Variants in C10orf67 observed in about 807,000 individuals in gnomAD.
C10orf67 encodes the protein chromosome 10 open reading frame 67.
In C10orf67, 60 loss-of-function variants were observed where a neutral mutation model predicts 35.6. The observed-to-expected ratio is 1.68, with a 90% CI of 1.37 to 2.09. The LOEUF (loss-of-function observed/expected upper bound fraction) is 2.09. Among genes scored for constraint, C10orf67 ranks in the 30% most tolerant of loss-of-function variants. C10orf67 has a pLI of 0.00. For synonymous variants in C10orf67, 167 were observed against 115.8 expected, an observed-to-expected ratio of 1.44 and a Z score of -2.84; for missense variants, 474 against 330.2, an observed-to-expected ratio of 1.44 and a Z score of -3.38.
chr10:23,343,151 A>G (rs767632711), intron 1 of C10orf67, among the ~76,000 whole-genome samples: 6 of 152,248 alleles, frequency 3.9e-5, no homozygotes, highest in Non-Finnish European at 8.8e-5. Flanking sequence ...AAACACTTCT[A>G]TGATTCTGCT....
intron 13 of C10orf67, among the ~76,000 whole-genome samples, chr10:23,230,278 G>A (rs1401152998): frequency 6.6e-6 from 1 of 152,048 alleles, no homozygotes; most frequent in Non-Finnish European, 1.5e-5. Flanking sequence ...AATGAAACCA[G>A]ATGTCTATCT....
chr10:23,330,701 C>CT, intron 2 of C10orf67, among the ~76,000 whole-genome samples: 1 of 150,192 alleles, frequency 6.7e-6, no homozygotes, highest in African/African-American at 2.5e-5. Flanking sequence ...GATCGTGCCA[C>CT]TGCACTCCAG....
At chr10:23,209,704 C>CA (rs1389969790) in intron 15 of C10orf67, among the ~76,000 whole-genome samples, 2 of 151,716 alleles carry the variant, frequency 1.3e-5, no homozygotes, top group African/African-American at 4.8e-5. Context: ...GAGCTATTCA[C>CA]AAAAAAATTA....
intron 5 of C10orf67, among the ~76,000 whole-genome samples, chr10:23,297,868 A>C (rs1222562182): frequency 6.6e-6 from 1 of 152,204 alleles, no homozygotes; most frequent in South Asian, 2.1e-4. Context: ...AGCCATTCAC[A>C]TCGTAAGATA....
At chr10:23,341,063 C>A in intron 1 of C10orf67, among the ~76,000 whole-genome samples, 1 of 152,128 alleles carries the variant, frequency 6.6e-6, no homozygotes, top group East Asian at 1.9e-4. Flanking sequence ...ATATTGCTTC[C>A]TTTTACTCCT....
intron 7 of C10orf67, among the ~76,000 whole-genome samples, chr10:23,286,604 G>C (rs1351490383): frequency 8.0e-6 from 1 of 125,752 alleles, no homozygotes; most frequent in Non-Finnish European, 1.7e-5. Context: ...GAGGGAGGAA[G>C]GAAAGGAGGG....
At chr10:23,328,993 C>CAAAAAAAAAAAAAAAAAAAAAAGAA in intron 2 of C10orf67, among the ~76,000 whole-genome samples, 1 of 78,732 alleles carries the variant, frequency 1.3e-5, no homozygotes, top group Non-Finnish European at 2.5e-5. Context: ...CATAAACGAA[C>CAAAAAAAAAAAAAAAAAAAAAAGAA]AAAAAAAAAA....
intron 4 of C10orf67, among the ~76,000 whole-genome samples, chr10:23,309,267 C>A (rs1394348794): frequency 6.6e-6 from 1 of 152,042 alleles, no homozygotes; most frequent in Non-Finnish European, 1.5e-5. Flanking sequence ...GAGGCATTAT[C>A]CTAAGCAAAT....
intron 2 of C10orf67, among the ~76,000 whole-genome samples, chr10:23,328,406 C>T (rs915628011): frequency 3.9e-5 from 6 of 152,134 alleles, no homozygotes; most frequent in African/African-American, 9.7e-5. Flanking sequence ...GCTATTACCA[C>T]TCCTCCCTAC....
chr10:23,333,171 G>A lies in C10orf67; in HGVS notation c.218C>T (p.Ser73Leu). The change falls in exon 2 of 16, where the codon TCA (serine) becomes TTA (leucine). Residue 73 changes from serine to leucine, a missense_variant. Coordinates refer to ENST00000636213, the MANE Select transcript of C10orf67 (RefSeq NM_001371909.1). Reference protein sequence around the residue: ...QMRGSTRLNISDDLKIGFFST... With the variant: ...QMRGSTRLNILDDLKIGFFST... ...GAAAAAGCCAATCTTTAAATCATCT[G>A]AAATGTTAAGTCTGAAAACAAAGGA... The A allele has an allele frequency of 6.2e-7, 1 of 1,602,382 alleles. No homozygotes were observed. Among genetic ancestry groups the A allele is most frequent in the African/African-American group, 1.3e-5 (1 of 74,764 alleles).
intron 1 of C10orf67, chr10:23,344,052 A>G (rs1846034358): frequency 6.4e-6 from 2 of 312,778 alleles, no homozygotes; most frequent in African/African-American, 2.4e-5. Flanking sequence ...CCTGAGTCGG[A>G]GTCGGGAACC....
intron 10 of C10orf67, among the ~76,000 whole-genome samples, chr10:23,257,410 G>A (rs1842630512): frequency 1.3e-5 from 2 of 152,188 alleles, no homozygotes; most frequent in Admixed American, 1.3e-4. Flanking sequence ...CTATGGCACA[G>A]GTGGACAGGT....
At position 23,323,639 on chromosome 10, in the gene C10orf67, G is replaced by A. The variant is rs184706011; in HGVS notation, c.328-1102C>T. On this transcript the variant is annotated intron_variant, in intron 2 of 15. Transcript: ENST00000636213. The stretch of plus-strand genomic sequence containing the variant: ...CATTTAGAATATAACTACCAGGTGA[G>A]GTGGCTCATGCCTGTAATCCCAACA... 4.7e-3 allele frequency among the ~76,000 whole-genome samples: 708 copies of A among 151,654 alleles called. 13 individuals are homozygous for A. The highest frequency in any genetic ancestry group is 8.9e-3 in the Admixed American group (135 of 15,214).
intron 4 of C10orf67, chr10:23,318,650 T>A: frequency 4.6e-6 from 2 of 434,102 alleles, no homozygotes. Context: ...ACAGATGCCT[T>A]TGGAAACACA....
chr10:23,312,631 C>T (rs1327104576), intron 4 of C10orf67, among the ~76,000 whole-genome samples: 1 of 152,178 alleles, frequency 6.6e-6, no homozygotes, highest in South Asian at 2.1e-4. Flanking sequence ...AATGTATCTA[C>T]ACACTTATAT....
At chr10:23,315,528 TC>T (rs1012814576) in intron 4 of C10orf67, among the ~76,000 whole-genome samples, 5 of 152,136 alleles carry the variant, frequency 3.3e-5, no homozygotes, top group Middle Eastern at 3.4e-3. Flanking sequence ...AGCCTTAACT[TC>T]CTGGGCTCAA....
At chr10:23,230,370 G>A (rs987653749) in intron 13 of C10orf67, among the ~76,000 whole-genome samples, 10 of 151,954 alleles carry the variant, frequency 6.6e-5, no homozygotes, top group Non-Finnish European at 2.9e-5. Flanking sequence ...AAAGACCATA[G>A]AGAATAATAC....
intron 12 of C10orf67, among the ~76,000 whole-genome samples, chr10:23,246,520 CTCAGGAATGAAACACAAATA>C (rs1315584801): frequency 6.6e-6 from 1 of 151,974 alleles, no homozygotes; most frequent in Non-Finnish European, 1.5e-5. Flanking sequence ...AACACAAATT[CTCAGGAATGAAACACAAATA>C]TCAGGAATGA....
intron 15 of C10orf67, among the ~76,000 whole-genome samples, chr10:23,208,701 A>G (rs1189557240): frequency 6.6e-6 from 1 of 152,228 alleles, no homozygotes; most frequent in East Asian, 1.9e-4. Flanking sequence ...TAGAAGGCTA[A>G]GTAGTGTGTT....
Sources: gnomAD v4.1 joint callset for allele counts (sites outside exome capture counted in the v4.1 genomes callset) on GRCh38, gnomAD v4.1.1 for gene constraint, MANE v1.5 for transcripts, NCBI Gene and HGNC (gene_info 2026-07-23, HGNC 2026-07-21) for gene names.